GPHN: variants seen among roughly 807,000 people sequenced by gnomAD.
GPHN encodes gephyrin.
GPHN carries 17 observed loss-of-function variants against 95.5 expected under a neutral mutation model. The ratio of observed to expected loss-of-function variants is 0.18; its 90% CI spans 0.12 to 0.27. The LOEUF is 0.27. Among genes scored for constraint, GPHN ranks in the 10% least tolerant of loss-of-function variants. GPHN has a pLI of 1.00. For missense variants in GPHN, 660 were observed against 978.1 expected, an observed-to-expected ratio of 0.67 and a Z score of 4.34; for synonymous variants, 320 against 322.5, an observed-to-expected ratio of 0.99 and a Z score of 0.08.
chr14:67,143,415 T>C lies in GPHN; in HGVS notation c.1802T>C (p.Ile601Thr), dbSNP rs2080614628. ...GAGGGTATCAGTCGTGCTGATGTCA[T>C]CATCACATCAGGGGGTGTATCCATG... Reference protein sequence around the residue: ...LNEGISRADVIITSGGVSMGE... With the variant: ...LNEGISRADVTITSGGVSMGE... Residue 601 changes from isoleucine (I) to threonine (T), a missense_variant, in exon 18 of 23, where the codon ATC becomes ACC. Ile to Thr is a moderately conservative substitution (Grantham distance 89). Transcript: ENST00000478722. 1 of 1,608,582 alleles carries C rather than the reference T, an allele frequency of 6.2e-7. No individual in the cohort carries two copies. The highest frequency in any genetic ancestry group is 8.5e-7 in the Non-Finnish European group (1 of 1,175,046).
At chr14:66,799,544 T>C (rs1210430769) in intron 3 of GPHN, among the ~76,000 whole-genome samples, 10 of 152,012 alleles carry the variant, frequency 6.6e-5, no homozygotes, top group Non-Finnish European at 4.4e-5. Flanking sequence ...CTGAATTGAC[T>C]TGTTTATCAT....
At chr14:67,382,631 T>C in the GPHN span, 1 of 1,610,644 alleles carries the variant, frequency 6.2e-7, no homozygotes, top group Non-Finnish European at 8.5e-7. Context: ...ACTCAGGAGG[T>C]TCCTAAAAGG....
the GPHN span, among the ~76,000 whole-genome samples, chr14:67,561,009 G>T: frequency 6.6e-6 from 1 of 152,156 alleles, no homozygotes; most frequent in African/African-American, 2.4e-5. Context: ...AGGATTACGG[G>T]TGTGAGCCAC....
intron 2 of GPHN, among the ~76,000 whole-genome samples, chr14:66,726,906 G>C (rs879087055): frequency 3.5e-4 from 53 of 152,104 alleles, no homozygotes; most frequent in African/African-American, 1.2e-3. Flanking sequence ...TTTATGCTAC[G>C]AATATAAGGT....
At chr14:67,139,156 G>T (rs2080296741) in intron 17 of GPHN, among the ~76,000 whole-genome samples, 1 of 151,512 alleles carries the variant, frequency 6.6e-6, no homozygotes, top group Admixed American at 6.6e-5. Flanking sequence ...CCAGGAGGCG[G>T]AGGTTGCAGT....
intron 10 of GPHN, among the ~76,000 whole-genome samples, chr14:67,034,785 T>A (rs902412086): frequency 7.9e-5 from 12 of 152,014 alleles, no homozygotes; most frequent in Middle Eastern, 3.2e-3. Flanking sequence ...ATATAAGAAG[T>A]AAACATTGAC....
chr14:66,810,417 A>G (rs1347483145), intron 3 of GPHN, among the ~76,000 whole-genome samples: 3 of 151,792 alleles, frequency 2.0e-5, no homozygotes, highest in South Asian at 4.1e-4. Context: ...TACATAATAT[A>G]TATTATCCAT....
chr14:67,651,151 T>A, the GPHN span: 2 of 954,704 alleles, frequency 2.1e-6, no homozygotes, highest in Non-Finnish European at 3.0e-6. Flanking sequence ...TATGTAAATT[T>A]AAAGAAGTCA....
chr14:67,557,468 T>C, the GPHN span: 1 of 1,571,606 alleles, frequency 6.4e-7, no homozygotes, highest in East Asian at 2.2e-5. Context: ...ACATCTGTAC[T>C]GCTGGCCCCC....
the GPHN span, chr14:67,381,506 T>C: frequency 1.0e-6 from 1 of 1,002,670 alleles, no homozygotes; most frequent in East Asian, 2.4e-5. Flanking sequence ...ATTTGAATAC[T>C]AATATATCTG....
chr14:66,528,164 T>C (rs1258670263), intron 1 of GPHN, among the ~76,000 whole-genome samples: 1 of 152,238 alleles, frequency 6.6e-6, no homozygotes, highest in Admixed American at 6.5e-5. Context: ...TGGGTGCATA[T>C]ATATTTAGGA....
intron 8 of GPHN, among the ~76,000 whole-genome samples, chr14:66,949,993 GAAAAAA>G (rs71129809): frequency 6.9e-5 from 4 of 57,812 alleles, no homozygotes; most frequent in African/African-American, 1.5e-4. Flanking sequence ...TTTAGGACAG[GAAAAAA>G]AAAAAAAAAA....
At chr14:67,691,393 C>T in the GPHN span, 23 of 597,930 alleles carry the variant, frequency 3.8e-5, no homozygotes, top group African/African-American at 4.3e-4. Context: ...TATTGTTTTT[C>T]ATTTTAAGAC....
the GPHN span, among the ~76,000 whole-genome samples, chr14:67,411,484 A>T: frequency 6.6e-6 from 1 of 152,072 alleles, no homozygotes; most frequent in East Asian, 1.9e-4. Context: ...TCTGATCCCG[A>T]TCCTGGCTCC....
the GPHN span, chr14:67,593,749 A>C: frequency 6.2e-7 from 1 of 1,600,540 alleles, no homozygotes; most frequent in African/African-American, 1.3e-5. Flanking sequence ...TTACCATGTA[A>C]ATGGCCTCAT....
chr14:67,275,735 C>T, the GPHN span, among the ~76,000 whole-genome samples: 3 of 152,058 alleles, frequency 2.0e-5, no homozygotes, highest in African/African-American at 2.4e-5. Flanking sequence ...AATTTGGCTG[C>T]GAATCCATTT....
chr14:67,592,823 T>G, the GPHN span: 1 of 745,618 alleles, frequency 1.3e-6, no homozygotes, highest in Non-Finnish European at 2.3e-6. Flanking sequence ...TCTCTCTCTG[T>G]TGCCCAAGCT....
intron 9 of GPHN, among the ~76,000 whole-genome samples, chr14:67,016,424 T>G (rs1271158501): frequency 6.6e-6 from 1 of 152,080 alleles, no homozygotes. Flanking sequence ...CATAAAAAGA[T>G]ATTTATAACC....
chr14:66,758,915 A>G (rs2153451767), intron 2 of GPHN, among the ~76,000 whole-genome samples: 1 of 152,326 alleles, frequency 6.6e-6, no homozygotes, highest in South Asian at 2.1e-4. Flanking sequence ...AAAAACAAAT[A>G]ATGAGATTAG....
Sources: gnomAD v4.1 joint callset for allele counts (sites outside exome capture counted in the v4.1 genomes callset) on GRCh38, gnomAD v4.1.1 for gene constraint, MANE v1.5 for transcripts, NCBI Gene and HGNC (gene_info 2026-07-23, HGNC 2026-07-21) for gene names.